KDM4C: variants seen among roughly 807,000 people sequenced by gnomAD.
The protein encoded by KDM4C is lysine-specific demethylase 4C.
Under a neutral mutation model 129.3 loss-of-function variants are expected in KDM4C, and 81 were observed. The observed-to-expected ratio is 0.63, with a 90% CI of 0.52 to 0.75. The LOEUF is 0.75. KDM4C is among the 30% of genes least tolerant of loss of function. KDM4C has a pLI of 0.00. For synonymous variants in KDM4C, 573 were observed against 456.1 expected (o/e 1.26, Z -3.26); for missense variants, 1,457 against 1,304.0 (o/e 1.12, Z -1.81).
chr9:6,946,174 A>G (rs910285391), intron 8 of KDM4C, among the ~76,000 whole-genome samples: 5 of 152,304 alleles, frequency 3.3e-5, no homozygotes, highest in Admixed American at 2.0e-4. Context: ...GATACTATAC[A>G]TGGAGAGATT....
At chr9:6,892,355 CT>C (rs1164068288) in intron 7 of KDM4C, among the ~76,000 whole-genome samples, 1 of 151,926 alleles carries the variant, frequency 6.6e-6, no homozygotes, top group African/African-American at 2.4e-5. Context: ...TTTTTCTTCA[CT>C]TTTTCTGTAG....
chr9:6,871,918 A>G (rs1842871985), intron 5 of KDM4C, among the ~76,000 whole-genome samples: 1 of 152,214 alleles, frequency 6.6e-6, no homozygotes, highest in African/African-American at 2.4e-5. Context: ...ATATAATACT[A>G]CATAATATAC....
intron 2 of KDM4C, among the ~76,000 whole-genome samples, chr9:6,798,987 C>T (rs961468846): frequency 8.5e-6 from 1 of 117,944 alleles, no homozygotes; most frequent in Admixed American, 7.9e-5. Context: ...CAGAGACGCT[C>T]CTCACTTCCT....
intron 17 of KDM4C, among the ~76,000 whole-genome samples, chr9:7,062,826 T>A (rs1396540200): frequency 6.6e-6 from 1 of 152,178 alleles, no homozygotes; most frequent in Non-Finnish European, 1.5e-5. Flanking sequence ...CCATTGATGT[T>A]TTTGATACGG....
chr9:7,047,592 G>A (rs1256455721), intron 16 of KDM4C, among the ~76,000 whole-genome samples: 1 of 151,874 alleles, frequency 6.6e-6, no homozygotes, highest in African/African-American at 2.4e-5. Context: ...CTGGAATAGA[G>A]ACATGTCAAA....
At chr9:6,964,800 A>C (rs1411990403) in intron 8 of KDM4C, among the ~76,000 whole-genome samples, 2 of 150,128 alleles carry the variant, frequency 1.3e-5, no homozygotes, top group African/African-American at 2.5e-5. Flanking sequence ...AAAAAAAAAA[A>C]ACCACAGACT....
intron 4 of KDM4C, among the ~76,000 whole-genome samples, chr9:6,832,428 C>CTTT (rs758428561): frequency 7.5e-6 from 1 of 133,770 alleles, no homozygotes; most frequent in African/African-American, 2.7e-5. Context: ...TCTTTTTTTT[C>CTTT]TTTTTTTTTT....
chr9:6,948,869 C>T (rs1182836837), intron 8 of KDM4C, among the ~76,000 whole-genome samples: 1 of 152,114 alleles, frequency 6.6e-6, no homozygotes, highest in Non-Finnish European at 1.5e-5. Flanking sequence ...AATGGAGTCT[C>T]CTATGTCTAC....
intron 12 of KDM4C, among the ~76,000 whole-genome samples, chr9:7,002,218 A>G (rs1820858237): frequency 6.6e-6 from 1 of 152,192 alleles, no homozygotes; most frequent in Admixed American, 6.5e-5. Flanking sequence ...GAACTCCATA[A>G]AGGGAAAGGG....
At chr9:6,953,608 A>G (rs918483241) in intron 8 of KDM4C, among the ~76,000 whole-genome samples, 1 of 152,226 alleles carries the variant, frequency 6.6e-6, no homozygotes, top group Non-Finnish European at 1.5e-5. Context: ...TTTGTTTCAA[A>G]TAAAAGTCTC....
intron 8 of KDM4C, among the ~76,000 whole-genome samples, chr9:6,953,301 C>T (rs1219691199): frequency 6.6e-6 from 1 of 152,168 alleles, no homozygotes; most frequent in Non-Finnish European, 1.5e-5. Flanking sequence ...AGTTTTGATT[C>T]TCATGGAGTA....
At position 6,893,088 on chromosome 9, in the gene KDM4C, C is replaced by T. The variant is rs762740470; in HGVS notation, c.784-7C>T. 6.6e-7 allele frequency: 1 copy of T among 1,518,632 alleles called. No individual in the cohort carries two copies. Among genetic ancestry groups the T allele is most frequent in the Admixed American group, 2.1e-5 (1 of 47,734 alleles). 94.1% of individuals were successfully genotyped at this position (1,518,632 alleles called of 1,614,324 possible). A position where few individuals can be genotyped will look rare whatever the true frequency, so the allele number is the denominator to read the frequency against. On this transcript the variant is annotated splice_region_variant and splice_polypyrimidine_tract_variant and intron_variant, in intron 7 of 21. Coordinates refer to ENST00000381309, the MANE Select transcript of KDM4C (RefSeq NM_015061.6). ...TTACAAAATATTATATGTTTCCTAC[C>T]TTGCAGATAACCCAGGAGGCTGGAG...
At chr9:7,148,445 G>C (rs1410190257) in intron 19 of KDM4C, among the ~76,000 whole-genome samples, 1 of 152,200 alleles carries the variant, frequency 6.6e-6, no homozygotes, top group East Asian at 1.9e-4. Context: ...GTGTGGGGCA[G>C]CTGCCCAGTA....
At chr9:7,150,097 G>A (rs911400032) in intron 19 of KDM4C, among the ~76,000 whole-genome samples, 1 of 152,132 alleles carries the variant, frequency 6.6e-6, no homozygotes, top group Non-Finnish European at 1.5e-5. Flanking sequence ...CACTCAACAC[G>A]GTCAGTGGGA....
chr9:7,067,727 A>C (rs997454525), intron 17 of KDM4C, among the ~76,000 whole-genome samples: 4 of 152,184 alleles, frequency 2.6e-5, no homozygotes, highest in African/African-American at 4.8e-5. Flanking sequence ...ATAAAATCCA[A>C]AATGAAAGTC....
chr9:6,964,300 T>G (rs1228817676), intron 8 of KDM4C, among the ~76,000 whole-genome samples: 1 of 150,342 alleles, frequency 6.7e-6, no homozygotes, highest in Admixed American at 6.6e-5. Context: ...CCAAGCGTTC[T>G]CATTGTTCAA....
chr9:6,808,108 G>A (rs1448197884), intron 3 of KDM4C, among the ~76,000 whole-genome samples: 2 of 49,854 alleles, frequency 4.0e-5, no homozygotes, highest in Admixed American at 1.5e-4. Context: ...CGCCCCGTCC[G>A]GGAGGTGAGG....
intron 8 of KDM4C, chr9:6,902,640 T>C: frequency 6.6e-6 from 1 of 152,058 alleles, no homozygotes; most frequent in Non-Finnish European, 1.5e-5. Context: ...AAGTGACTCA[T>C]TGTGGGTCAT....
intron 2 of KDM4C, among the ~76,000 whole-genome samples, chr9:6,804,429 G>T (rs1031850884): frequency 9.2e-5 from 14 of 152,154 alleles, no homozygotes; most frequent in Admixed American, 9.2e-4. Context: ...CTAGCATACC[G>T]CTGTGCTATC....
Sources: gnomAD v4.1 joint callset for allele counts (sites outside exome capture counted in the v4.1 genomes callset) on GRCh38, gnomAD v4.1.1 for gene constraint, MANE v1.5 for transcripts, NCBI Gene and HGNC (gene_info 2026-07-23, HGNC 2026-07-21) for gene names.